Variants in PDE4D observed in about 807,000 individuals in gnomAD.
PDE4D encodes 3',5'-cyclic-AMP phosphodiesterase 4D.
PDE4D carries 24 observed loss-of-function variants against 87.4 expected under a neutral mutation model. The observed-to-expected ratio is 0.27, with a 90% CI of 0.20 to 0.39. The LOEUF is 0.39. Ranked by LOEUF, PDE4D falls within the 10% of genes least tolerant of loss-of-function variation. The pLI is 1.00. For synonymous variants in PDE4D, 384 were observed against 383.2 expected (o/e 1.00, Z -0.02); for missense variants, 714 against 1,041.0 (o/e 0.69, Z 4.32).
chr5:59,030,433 A>C (rs1406265121), intron 6 of PDE4D, among the ~76,000 whole-genome samples: 8 of 150,458 alleles, frequency 5.3e-5, no homozygotes, highest in Admixed American at 3.3e-4. Flanking sequence ...AAAAAAAAAA[A>C]AAAAAAAAAA....
At chr5:59,030,432 A>AG (rs1267893942) in intron 6 of PDE4D, among the ~76,000 whole-genome samples, 2 of 150,256 alleles carry the variant, frequency 1.3e-5, no homozygotes, top group African/African-American at 4.9e-5. Flanking sequence ...CAAAAAAAAA[A>AG]AAAAAAAAAA....
chr5:60,213,364 G>A (rs529167335), intron 1 of PDE4D, among the ~76,000 whole-genome samples: 1 of 152,278 alleles, frequency 6.6e-6, no homozygotes, highest in African/African-American at 2.4e-5. Flanking sequence ...CATGGTGTCT[G>A]AAGAATTGTA....
chr5:59,663,624 A>G (rs1361112111), intron 1 of PDE4D, among the ~76,000 whole-genome samples: 1 of 152,206 alleles, frequency 6.6e-6, no homozygotes, highest in Non-Finnish European at 1.5e-5. Flanking sequence ...CAATTATAAT[A>G]ATTGTTTCTA....
intron 5 of PDE4D, among the ~76,000 whole-genome samples, chr5:59,145,596 G>A (rs1168708714): frequency 6.6e-6 from 1 of 152,150 alleles, no homozygotes; most frequent in African/African-American, 2.4e-5. Context: ...GAAATCGACT[G>A]AAGTAAGCAA....
At chr5:60,003,060 A>G (rs1764155979) in intron 2 of PDE4D, among the ~76,000 whole-genome samples, 1 of 152,214 alleles carries the variant, frequency 6.6e-6, no homozygotes. Context: ...GCAAATTTAC[A>G]AGATATAAAA....
At chr5:60,451,076 G>A (rs1746060208) in intron 1 of PDE4D, among the ~76,000 whole-genome samples, 1 of 152,078 alleles carries the variant, frequency 6.6e-6, no homozygotes, top group Non-Finnish European at 1.5e-5. Flanking sequence ...TATTCTTGGA[G>A]CAGACTCTTG....
intron 1 of PDE4D, among the ~76,000 whole-genome samples, chr5:59,724,785 T>C (rs1756360141): frequency 6.6e-6 from 1 of 152,102 alleles, no homozygotes; most frequent in Non-Finnish European, 1.5e-5. Flanking sequence ...TGGAAATAAC[T>C]GCACAAACAT....
chr5:59,792,722 A>C (rs769628190), intron 1 of PDE4D, among the ~76,000 whole-genome samples: 5 of 152,196 alleles, frequency 3.3e-5, no homozygotes, highest in Non-Finnish European at 7.3e-5. Flanking sequence ...AGGTGGTTTT[A>C]AGAAGATGGG....
chr5:59,546,177 A>G lies in PDE4D; in HGVS notation c.456-330209T>C, dbSNP rs569193895. ...TATTCCTAGAGCTCATAATTTTAGGAGCTCATAGAAATGTTAAATCTCTTT... is the reference window on the plus strand; with the variant it reads ...TATTCCTAGAGCTCATAATTTTAGGGGCTCATAGAAATGTTAAATCTCTTT... On this transcript the variant is annotated intron_variant, in intron 1 of 14. Coordinates refer to ENST00000340635, the MANE Select transcript of PDE4D (RefSeq NM_001104631.2). Among the ~76,000 whole-genome samples the G allele has an allele frequency of 1.5e-4, 23 of 152,276 alleles. No homozygotes were observed. The South Asian group carries it at 4.8e-3, about 32-fold the overall frequency.
Position 59,754,065 on chromosome 5 carries a change from C to A in PDE4D, c.455+139103G>T, listed in dbSNP as rs189877451. Among the ~76,000 whole-genome samples the A allele has an allele frequency of 3.2e-3, 494 of 152,306 alleles. 3 individuals carry two copies. The highest frequency in any genetic ancestry group is 0.024 in the South Asian group (117 of 4,832). ...TCTTTTAAGGCCAGGTACAGTGGCT[C>A]ATGCCTGTAATCCCAGTACTTTGGG... is the stretch of plus-strand genomic sequence containing the variant. On this transcript the variant is annotated intron_variant, in intron 1 of 14. Transcript: ENST00000340635.
At chr5:59,868,050 G>A (rs923627657) in intron 1 of PDE4D, among the ~76,000 whole-genome samples, 2 of 152,008 alleles carry the variant, frequency 1.3e-5, no homozygotes, top group African/African-American at 4.8e-5. Context: ...GGAAAGAAAA[G>A]GTATCTAAAA....
intron 1 of PDE4D, among the ~76,000 whole-genome samples, chr5:59,373,022 AC>A (rs1554146037): frequency 2.6e-5 from 4 of 151,908 alleles, no homozygotes; most frequent in Non-Finnish European, 5.9e-5. Context: ...GAAAAAAAAA[AC>A]ATTCAAATGT....
intron 1 of PDE4D, among the ~76,000 whole-genome samples, chr5:59,434,342 A>ATCTTTAGGATGAGGTTATCATCTGTT (rs1796508191): frequency 6.6e-6 from 1 of 151,726 alleles, no homozygotes; most frequent in African/African-American, 2.4e-5. Flanking sequence ...ATCATCTGTT[A>ATCTTTAGGATGAGGTTATCATCTGTT]ATGACCACAT....
intron 1 of PDE4D, among the ~76,000 whole-genome samples, chr5:59,472,032 A>G (rs1247805518): frequency 6.6e-6 from 1 of 152,180 alleles, no homozygotes; most frequent in African/African-American, 2.4e-5. Flanking sequence ...ATATGACAGT[A>G]GGGAGATGTG....
At chr5:60,082,922 G>T (rs1309340722) in intron 2 of PDE4D, among the ~76,000 whole-genome samples, 1 of 152,094 alleles carries the variant, frequency 6.6e-6, no homozygotes, top group Non-Finnish European at 1.5e-5. Context: ...TGATTTCTCA[G>T]GTCATAGCTA....
In PDE4D at chr5:59,444,822, A is replaced by C. The variant is rs948907604; in HGVS notation, c.456-228854T>G. ...GAGAGTCCGCCTCAAAAACAAACAA[A>C]CAAACAAACAAAAATACCTAGAGTT... On this transcript the variant is annotated intron_variant, in intron 1 of 14. Transcript: ENST00000340635. Among the ~76,000 whole-genome samples, 3 of 152,216 alleles carry C rather than the reference A, an allele frequency of 2.0e-5. No homozygotes were observed. In the East Asian group the frequency reaches 5.8e-4, roughly 29 times the overall value.
At chr5:59,627,509 T>G (rs1031453577) in intron 1 of PDE4D, among the ~76,000 whole-genome samples, 10 of 152,216 alleles carry the variant, frequency 6.6e-5, no homozygotes, top group Admixed American at 4.6e-4. Context: ...TATCACTTTC[T>G]AACTGCATTA....
intron 1 of PDE4D, among the ~76,000 whole-genome samples, chr5:60,197,026 T>TAGAG (rs750887064): frequency 5.4e-5 from 4 of 74,414 alleles, no homozygotes; most frequent in Non-Finnish European, 7.7e-5. Flanking sequence ...GGCAGATAGA[T>TAGAG]AGATAGATAG....
chr5:60,218,681 G>T (rs1298568163), intron 1 of PDE4D, among the ~76,000 whole-genome samples: 2 of 152,020 alleles, frequency 1.3e-5, no homozygotes, highest in Non-Finnish European at 2.9e-5. Context: ...GATAAGTTGA[G>T]CAACAAAAGA....
Sources: allele counts gnomAD v4.1 joint callset (sites outside exome capture counted in the v4.1 genomes callset), GRCh38; gene constraint gnomAD v4.1.1; transcripts MANE v1.5; gene names NCBI Gene and HGNC (gene_info 2026-07-23, HGNC 2026-07-21).